EVC2: variants seen among roughly 807,000 people sequenced by gnomAD.
EVC2 encodes EvC ciliary complex subunit 2, also known as limbin.
In EVC2, 148 loss-of-function variants were observed where a neutral mutation model predicts 149.3. The ratio of observed to expected loss-of-function variants is 0.99; its 90% CI spans 0.87 to 1.14. EVC2 has a LOEUF of 1.14. EVC2 is among the 50% of genes most tolerant of loss of function. The pLI, the probability that EVC2 is intolerant of heterozygous loss-of-function variation, is 0.00. For synonymous variants in EVC2, 776 were observed against 649.9 expected (o/e 1.19, Z -2.95); for missense variants, 1,854 against 1,627.3 (o/e 1.14, Z -2.40).
chr4:5,568,300 C>T (rs1722422977), intron 20 of EVC2, 144 bp downstream of exon 20: 3 of 861,414 alleles, frequency 3.5e-6, no homozygotes, highest in East Asian at 2.7e-5. Flanking sequence ...AACTTATTTT[C>T]TTAAGATTCT....
In EVC2 at chr4:5,665,641, C is replaced by T. The variant is rs150699446; in HGVS notation, c.879G>A (p.Pro293=). The T allele has an allele frequency of 3.1e-6, 5 of 1,613,960 alleles. No homozygotes were observed. The highest frequency in any genetic ancestry group is 2.7e-5 in the African/African-American group (2 of 74,890). The change falls in exon 8 of 22, where the codon CCG becomes CCA. Residue 293 remains proline (P), a synonymous_variant. Coordinates refer to ENST00000344408, the MANE Select transcript of EVC2 (RefSeq NM_147127.5). ...ITAEENVTVL[P]HHGLHAAGFF... ...ACCCTGCTGCGTGGAGGCCGTGGTG[C>T]GGCAGAACCTGTGGAGACAAGAGGA...
intron 1 of EVC2, among the ~76,000 whole-genome samples, chr4:5,707,161 C>T (rs568622399): frequency 1.8e-4 from 27 of 152,266 alleles, no homozygotes; most frequent in African/African-American, 5.5e-4. Flanking sequence ...ACCTGCAAAA[C>T]GGGCCAGATA....
intron 9 of EVC2, among the ~76,000 whole-genome samples, chr4:5,662,736 G>A (rs1718985267): frequency 6.8e-6 from 1 of 147,458 alleles, no homozygotes; most frequent in Admixed American, 6.8e-5. Context: ...AATAATTATT[G>A]AAATAATTAG....
intron 5 of EVC2, among the ~76,000 whole-genome samples, chr4:5,685,765 G>C (rs544670954): frequency 3.9e-5 from 6 of 152,214 alleles, no homozygotes; most frequent in Non-Finnish European, 5.9e-5. Flanking sequence ...AACAGGGCTG[G>C]CTCTCCTAGC....
chr4:5,681,712 T>TCAAACG (rs141090433), intron 6 of EVC2, among the ~76,000 whole-genome samples: 9,678 of 152,244 alleles, frequency 0.064, 402 homozygotes, highest in East Asian at 0.2. Context: ...CTTCTCTCAC[T>TCAAACG]CAAACGCACT....
chr4:5,708,766 G>C, upstream of EVC2: 1 of 403,316 alleles, frequency 2.5e-6, no homozygotes. Flanking sequence ...CCGAATCAGA[G>C]CGGGTCACTC....
At position 5,622,809 on chromosome 4, in the gene EVC2, C is replaced by A; in HGVS notation, c.2229G>T (p.Leu743=). The stretch of plus-strand genomic sequence containing the variant: ...GCAGCTCGTCGGTGGCCTTTTCAAA[C>A]AGCGAAAGGGTCAGGGTCCTGAGAT... ...LDDLRTLTLS[L]FEKATDELRR... is the part of the protein sequence containing the mutation. Residue 743 remains leucine, a synonymous_variant, in exon 14 of 22, where the codon CTG becomes CTT. Transcript: ENST00000344408. The surrounding 1 kb of genome is among the most constrained non-coding windows in gnomAD (Gnocchi z 5.8). The A allele has an allele frequency of 6.2e-7, 1 of 1,614,078 alleles. No homozygotes were observed.
intron 4 of EVC2, among the ~76,000 whole-genome samples, chr4:5,690,405 G>T (rs867699436): frequency 5.5e-4 from 78 of 141,628 alleles, no homozygotes; most frequent in East Asian, 8.2e-4. Context: ...GTGGGTTGTT[G>T]TTTTTTTTTT....
At chr4:5,659,236 C>T (rs1482363713) in intron 9 of EVC2, among the ~76,000 whole-genome samples, 2 of 151,934 alleles carry the variant, frequency 1.3e-5, no homozygotes, top group African/African-American at 2.4e-5. Flanking sequence ...ATTACAAATG[C>T]GATAACTGAT....
rs575356615 is a variant in EVC2, at chr4:5,689,645, G to C, written c.520-302C>G. On this transcript the variant is annotated intron_variant, in intron 4 of 21. Coordinates refer to ENST00000344408, the MANE Select transcript of EVC2 (RefSeq NM_147127.5). ...AATCTCCAAGTGCAGAACCAGTCAGGTTGGGGAAATTGTGATAACCAGTGT... is the reference window on the plus strand; with the variant it reads ...AATCTCCAAGTGCAGAACCAGTCAGCTTGGGGAAATTGTGATAACCAGTGT... Among the ~76,000 whole-genome samples, 5 of 152,330 alleles carry C rather than the reference G, an allele frequency of 3.3e-5. No individual in the cohort carries two copies. In the East Asian group the frequency reaches 7.7e-4, roughly 24 times the overall value.
intron 21 of EVC2, among the ~76,000 whole-genome samples, chr4:5,546,230 C>A (rs1721616107): frequency 6.6e-6 from 1 of 152,144 alleles, no homozygotes. Context: ...ACCCAAAGGA[C>A]TATAAATCAT....
chr4:5,614,796 G>A lies in EVC2; in HGVS notation c.2829+626C>T, dbSNP rs2108827863. Among the ~76,000 whole-genome samples, 1 of 151,098 alleles carries A rather than the reference G, an allele frequency of 6.6e-6. No individual in the cohort carries two copies. The highest frequency in any genetic ancestry group is 2.1e-4 in the South Asian group (1 of 4,776). On this transcript the variant is annotated intron_variant, in intron 16 of 21. Coordinates refer to ENST00000344408, the MANE Select transcript of EVC2 (RefSeq NM_147127.5). The surrounding 1 kb of genome is among the most constrained non-coding windows in gnomAD (Gnocchi z 4.7). Reference sequence around the variant, plus strand: ...AGTTTGAGACCAATCTGGCCAACATGGTGAAACCACATGTCTACTAAAAAT... The same window carrying A: ...AGTTTGAGACCAATCTGGCCAACATAGTGAAACCACATGTCTACTAAAAAT...
chr4:5,615,271 T>C, intron 16 of EVC2, 151 bp downstream of exon 16: 6 of 1,334,958 alleles, frequency 4.5e-6, no homozygotes, highest in Non-Finnish European at 2.1e-6. Flanking sequence ...GTCTTCCAAC[T>C]CTTTCTTACC....
intron 1 of EVC2, among the ~76,000 whole-genome samples, chr4:5,705,735 G>A (rs74733147): frequency 2.0e-5 from 3 of 151,868 alleles, no homozygotes; most frequent in Admixed American, 1.3e-4. Flanking sequence ...AAACCCCATC[G>A]CACAATTGTG....
At chr4:5,566,310 G>A (rs1459898992) in intron 20 of EVC2, among the ~76,000 whole-genome samples, 1 of 152,196 alleles carries the variant, frequency 6.6e-6, no homozygotes, top group Non-Finnish European at 1.5e-5. Flanking sequence ...CCAGGTGGTG[G>A]TGGAGATGGA....
At chr4:5,648,810 T>C (rs73198190) in intron 9 of EVC2, among the ~76,000 whole-genome samples, 37,224 of 152,008 alleles carry the variant, frequency 0.24, 5,170 homozygotes, top group African/African-American at 0.39. Flanking sequence ...TGATAAAAAC[T>C]GTCAGGGTGT....
rs552320050 is a variant in EVC2, at chr4:5,602,548, T to A, written c.2829+12874A>T. Among the ~76,000 whole-genome samples, 26 of 151,520 alleles carry A rather than the reference T, an allele frequency of 1.7e-4. No homozygotes were observed. In the South Asian group the frequency reaches 4.0e-3, roughly 23 times the overall value. On this transcript the variant is annotated intron_variant, in intron 16 of 21. Coordinates refer to ENST00000344408, the MANE Select transcript of EVC2 (RefSeq NM_147127.5). ...GGAAAGAGCTGATAAGTGGTCCAGG[T>A]TTAGAGAAGAAAGAGAGTAAAATAG... is the stretch of plus-strand genomic sequence containing the variant.
intron 12 of EVC2, among the ~76,000 whole-genome samples, chr4:5,626,254 G>C (rs73198166): frequency 1.3e-5 from 2 of 151,924 alleles, no homozygotes; most frequent in East Asian, 3.9e-4. Flanking sequence ...AAGTCAAAGA[G>C]GCAAAGGCAG....
the EVC2 span, among the ~76,000 whole-genome samples, chr4:5,530,405 T>G: frequency 6.6e-6 from 1 of 152,352 alleles, no homozygotes; most frequent in South Asian, 2.1e-4. Context: ...CTCTCTAGGA[T>G]AGTTGTTTAT....
Sources: gnomAD v4.1 joint callset for allele counts (sites outside exome capture counted in the v4.1 genomes callset) on GRCh38, gnomAD v4.1.1 for gene constraint, Gnocchi (gnomAD v3.1) non-coding constraint, MANE v1.5 for transcripts, NCBI Gene and HGNC (gene_info 2026-07-23, HGNC 2026-07-21) for gene names.